The following HAUS7 variants were observed in gnomAD, a reference collection of about 807,000 sequenced individuals.
HAUS7 encodes HAUS augmin-like complex subunit 7.
In HAUS7, 3 loss-of-function variants were observed where a neutral mutation model predicts 28.4. That is an observed-to-expected ratio of 0.11 (90% CI 0.05 to 0.27). The LOEUF (loss-of-function observed/expected upper bound fraction) is 0.27, where lower values mean the gene tolerates loss of function less well. HAUS7 is among the 10% of genes least tolerant of loss of function. HAUS7 has a pLI of 1.00. For missense variants in HAUS7, 284 were observed against 297.3 expected, an observed-to-expected ratio of 0.96 and a Z score of 0.33; for synonymous variants, 165 against 132.1, an observed-to-expected ratio of 1.25 and a Z score of -1.71.
chrX:153,470,383 C>T, intron 1 of HAUS7, 67 bp downstream of exon 1: 2 of 1,114,880 alleles, frequency 1.8e-6, no homozygotes, highest in South Asian at 1.9e-5. Context: ...GCAGCAAGCC[C>T]TCCCGGGCCT....
chrX:153,454,243 T>C (rs980858001), intron 9 of HAUS7, 151 bp downstream of exon 9: 15 of 432,595 alleles, frequency 3.5e-5, no homozygotes, highest in Non-Finnish European at 4.8e-5. Flanking sequence ...GCTGAAAGCA[T>C]TTTTTCAAGT....
rs1387793018 is a variant in HAUS7, at chrX:153,486,487, C to CTT, written c.-589+8886_-589+8887insAA. ...AGGCCGCAGTGGTCTCTGAAGCCCG[C>CTT]CATCACTCCTCCACAGTTCCGATTC... is the stretch of plus-strand genomic sequence containing the variant. On this transcript the variant is annotated intron_variant, in intron 1 of 5. Coordinates refer to the HAUS7 transcript ENST00000370210. 52 of 439,056 alleles carry CTT rather than the reference C, an allele frequency of 1.2e-4. No homozygotes were observed. The Admixed American group carries it at 1.7e-3, about 15-fold the overall frequency. 36.2% of individuals were successfully genotyped at this position (439,056 alleles called of 1,213,427 possible). A position where few individuals can be genotyped will look rare whatever the true frequency, so the allele number is the denominator to read the frequency against.
At chrX:153,473,516 A>G (rs782316281), upstream of HAUS7, among the ~76,000 whole-genome samples, 1 of 113,191 alleles carries the variant, frequency 8.8e-6, no homozygotes, top group East Asian at 2.8e-4. Context: ...CTGGCCACTA[A>G]AGTTCCTCAG....
intron 1 of HAUS7, among the ~76,000 whole-genome samples, chrX:153,489,590 G>A (rs782751370): frequency 1.7e-4 from 19 of 112,476 alleles, no homozygotes; most frequent in Middle Eastern, 4.6e-3. Context: ...TGAGGTGATG[G>A]GGTGGGACTG....
chrX:153,466,404 A>G (rs782710929), intron 2 of HAUS7, among the ~76,000 whole-genome samples: 1 of 112,271 alleles, frequency 8.9e-6, no homozygotes, highest in African/African-American at 3.2e-5. Flanking sequence ...GCAGAGCAGG[A>G]ACAGAAAATG....
chrX:153,491,532 A>G (rs1602964511), intron 1 of HAUS7, among the ~76,000 whole-genome samples: 2 of 111,501 alleles, frequency 1.8e-5, no homozygotes, highest in South Asian at 3.8e-4. Context: ...TCCCTCCCTC[A>G]GACATGTCCT....
At chrX:153,456,428 C>T in intron 6 of HAUS7, 64 bp from the exon 7 acceptor site, 1 of 1,182,181 alleles carries the variant, frequency 8.5e-7, no homozygotes, top group Non-Finnish European at 1.1e-6. Flanking sequence ...AGTAACAGAA[C>T]CAAGCAGCCT....
upstream of HAUS7, among the ~76,000 whole-genome samples, chrX:153,473,632 G>A (rs1037379738): frequency 6.2e-5 from 7 of 113,064 alleles, no homozygotes; most frequent in Non-Finnish European, 1.1e-4. Flanking sequence ...ATGAGAAGCT[G>A]ATCACACCCA....
intron 1 of HAUS7, among the ~76,000 whole-genome samples, chrX:153,480,272 C>G (rs2089590764): frequency 9.0e-6 from 1 of 110,965 alleles, no homozygotes; most frequent in African/African-American, 3.3e-5. Flanking sequence ...CCGGTCCAAC[C>G]CCTGGGCCTA....
At chrX:153,466,675 T>TC (rs2089458906) in intron 2 of HAUS7, among the ~76,000 whole-genome samples, 1 of 112,589 alleles carries the variant, frequency 8.9e-6, no homozygotes, top group Non-Finnish European at 1.9e-5. Context: ...TAAGGAATTC[T>TC]CGCCAACCTG....
chrX:153,485,547 C>A (rs1165937903), intron 1 of HAUS7, among the ~76,000 whole-genome samples: 1 of 112,322 alleles, frequency 8.9e-6, no homozygotes, highest in African/African-American at 3.2e-5. Context: ...TCCTCTAATC[C>A]CTAAGCCTTG....
intron 1 of HAUS7, among the ~76,000 whole-genome samples, chrX:153,487,672 G>A (rs1556988834): frequency 1.8e-5 from 2 of 112,621 alleles, no homozygotes; most frequent in Non-Finnish European, 3.8e-5. Context: ...GTGAGCACGT[G>A]GTCTGTGCAA....
At chrX:153,492,251 A>G (rs1213330576) in intron 1 of HAUS7, among the ~76,000 whole-genome samples, 1 of 113,242 alleles carries the variant, frequency 8.8e-6, no homozygotes, top group Admixed American at 9.2e-5. Context: ...CTGTTCCTAG[A>G]GCACTTCAGC....
intron 8 of HAUS7, chrX:153,455,125 A>G: frequency 3.4e-6 from 2 of 582,774 alleles, no homozygotes; most frequent in Non-Finnish European, 5.3e-6. Context: ...GAGCAGGCTC[A>G]TGGGCAGACA....
At chrX:153,475,021 C>T (rs1259389962), upstream of HAUS7, among the ~76,000 whole-genome samples, 12 of 111,883 alleles carry the variant, frequency 1.1e-4, no homozygotes, top group African/African-American at 3.9e-4. Context: ...GGAGGGGGCG[C>T]CCGCCTCGCC....
intron 1 of HAUS7, among the ~76,000 whole-genome samples, chrX:153,489,652 G>T (rs1325979688): frequency 1.8e-5 from 2 of 112,295 alleles, no homozygotes; most frequent in African/African-American, 6.5e-5. Context: ...GAGAATGGGG[G>T]CAAGGAGCCG....
upstream of HAUS7, chrX:153,471,254 C>A: frequency 4.3e-6 from 1 of 231,113 alleles, no homozygotes; most frequent in Non-Finnish European, 8.3e-6. Flanking sequence ...AATGAGAGCA[C>A]CTTACCCACT....
intron 2 of HAUS7, among the ~76,000 whole-genome samples, chrX:153,468,576 G>A (rs2089481949): frequency 8.9e-6 from 1 of 112,522 alleles, no homozygotes; most frequent in African/African-American, 3.2e-5. Flanking sequence ...CTGTCACCAT[G>A]GGCTTCATAG....
At chrX:153,482,635 G>A (rs1411617339) in intron 1 of HAUS7, 1 of 725,921 alleles carries the variant, frequency 1.4e-6, no homozygotes. Flanking sequence ...AGGGGCCCTG[G>A]CCTCTAGGGG....
Sources: allele counts gnomAD v4.1 joint callset (sites outside exome capture counted in the v4.1 genomes callset), GRCh38; gene constraint gnomAD v4.1.1; transcripts MANE v1.5; gene names NCBI Gene and HGNC (gene_info 2026-07-23, HGNC 2026-07-21).